Variants in C12orf60 observed in about 807,000 individuals in gnomAD.
C12orf60 encodes uncharacterized protein C12orf60.
For synonymous variants in C12orf60, 102 were observed against 94.6 expected (o/e 1.08, Z -0.45); for missense variants, 284 against 283.2 (o/e 1.00, Z -0.02).
chr12:14,805,809 C>T, intron 1 of C12orf60: 1 of 637,564 alleles, frequency 1.6e-6, no homozygotes, highest in Non-Finnish European at 2.6e-6. Context: ...GGTCTAGCAT[C>T]AGCTGATCCA....
At chr12:14,818,788 A>C (rs1381069270) in intron 1 of C12orf60, among the ~76,000 whole-genome samples, 1 of 152,192 alleles carries the variant, frequency 6.6e-6, no homozygotes. Context: ...TCTCAAAACA[A>C]CAACAACAAA....
chr12:14,823,488 A>G lies in C12orf60; in HGVS notation c.553A>G (p.Ile185Val). The G allele has an allele frequency of 6.2e-7, 1 of 1,613,336 alleles. No individual in the cohort carries two copies. The highest frequency in any genetic ancestry group is 8.5e-7 in the Non-Finnish European group (1 of 1,179,828). The change falls in exon 2 of 2, where the codon ATA becomes GTA. Residue 185 changes from isoleucine to valine, a missense_variant. Ile to Val is a conservative substitution (Grantham distance 29). Coordinates refer to ENST00000330828, the MANE Select transcript of C12orf60 (RefSeq NM_175874.4). ...TCCAGGTTCTTCCAAAACCACTATGATAGACACCTTGAAAAAACTGCAGGA... is the reference window on the plus strand; with the variant it reads ...TCCAGGTTCTTCCAAAACCACTATGGTAGACACCTTGAAAAAACTGCAGGA... The part of the protein sequence containing the change: ...SPPGSSKTTM[I>V]DTLKKLQDVL...
chr12:14,804,768 G>A (rs889785625), intron 1 of C12orf60: 9 of 152,208 alleles, frequency 5.9e-5, no homozygotes, highest in African/African-American at 1.4e-4. Context: ...AGAGAAAACA[G>A]TGTATGTTGG....
At chr12:14,809,325 G>A (rs1039977051) in intron 1 of C12orf60, among the ~76,000 whole-genome samples, 3 of 151,978 alleles carry the variant, frequency 2.0e-5, no homozygotes, top group Non-Finnish European at 4.4e-5. Context: ...CGAATTAATC[G>A]TAAAATGTAT....
rs149647403 is a variant in C12orf60, at chr12:14,823,637, G to T, written c.702G>T (p.Met234Ile). 4.6e-4 allele frequency: 721 copies of T among 1,584,032 alleles called. 6 individuals are homozygous for T. The East Asian group carries it at 0.011, about 24-fold the overall frequency. The change falls in exon 2 of 2, where the codon ATG becomes ATT. Residue 234 changes from methionine to isoleucine, a missense_variant. Coordinates refer to ENST00000330828, the MANE Select transcript of C12orf60 (RefSeq NM_175874.4). Reference sequence around the variant, plus strand: ...AAAAAGCGATAAAGACTATGGAAATGAATATTTCTGTGTTTAAGAAAGCCA... The same window carrying T: ...AAAAAGCGATAAAGACTATGGAAATTAATATTTCTGTGTTTAAGAAAGCCA... ...ILQKAIKTME[M>I]NISVFKKASD...
intron 1 of C12orf60, among the ~76,000 whole-genome samples, chr12:14,819,598 T>TG (rs1350110691): frequency 3.9e-5 from 6 of 152,142 alleles, no homozygotes; most frequent in Non-Finnish European, 7.4e-5. Flanking sequence ...TTCCCAATCC[T>TG]GGGGGGTAGC....
At chr12:14,805,788 T>C (rs558097753) in intron 1 of C12orf60, 69 of 540,814 alleles carry the variant, frequency 1.3e-4, no homozygotes, top group Non-Finnish European at 2.0e-4. Context: ...GAAAATTTTT[T>C]TACCTCACAG....
chr12:14,822,971 G>T lies in C12orf60; in HGVS notation c.36G>T (p.Leu12=). The change falls in exon 2 of 2, where the codon CTG becomes CTT. Residue 12 remains leucine (L), a synonymous_variant. Transcript: ENST00000330828. ...SSESEKDKER[L]IQAAKMFFFH... The stretch of plus-strand genomic sequence containing the variant: ...AGTCAGAAAAGGATAAAGAGAGACT[G>T]ATTCAAGCTGCCAAAATGTTCTTCT... 6.2e-7 allele frequency: 1 copy of T among 1,605,428 alleles called. No individual in the cohort carries two copies.
At position 14,815,466 on chromosome 12, in the gene C12orf60, G is replaced by T. The variant is rs189310836; in HGVS notation, c.-24-7446G>T. Among the ~76,000 whole-genome samples the T allele has an allele frequency of 2.6e-5, 4 of 152,292 alleles. No homozygotes were observed. The East Asian group carries it at 7.7e-4, about 29-fold the overall frequency. ...TCAGGGAACAAAAACCAACCTGCTG[G>T]TGATACAGGGTGTAAGTGGGAGCAG... On this transcript the variant is annotated intron_variant, in intron 1 of 1. Transcript: ENST00000330828.
In C12orf60 at chr12:14,823,874, C is replaced by A; in HGVS notation, c.*201C>A. ...AATTAAGAAAGCCTGTTTGAAATGT[C>A]AGTCACTAAGAAGAATATATTGTTG... On this transcript the variant is annotated 3_prime_UTR_variant, in exon 2 of 2. Transcript: ENST00000330828. The A allele has an allele frequency of 4.8e-6, 2 of 417,202 alleles. No individual in the cohort carries two copies. The highest frequency in any genetic ancestry group is 4.3e-6 in the Non-Finnish European group (1 of 233,934). The allele number at this position is 417,202 out of a possible 1,614,324, so 25.8% of individuals were successfully genotyped here. A position where few individuals can be genotyped will look rare whatever the true frequency, so the allele number is the denominator to read the frequency against.
At chr12:14,806,540 C>G in intron 1 of C12orf60, 3 of 1,614,164 alleles carry the variant, frequency 1.9e-6, no homozygotes, top group Non-Finnish European at 1.7e-6. Flanking sequence ...GCCTGCACCC[C>G]AAGTGCATAT....
In C12orf60 at chr12:14,823,646, T is replaced by C. The variant is rs1950341993; in HGVS notation, c.711T>C (p.Ser237=). 2 of 1,576,008 alleles carry C rather than the reference T, an allele frequency of 1.3e-6. No individual in the cohort carries two copies. Among genetic ancestry groups the C allele is most frequent in the Admixed American group, 3.9e-5 (2 of 51,424 alleles). The change falls in exon 2 of 2, where the codon TCT becomes TCC. Residue 237 remains serine (S), a synonymous_variant. Coordinates refer to ENST00000330828, the MANE Select transcript of C12orf60 (RefSeq NM_175874.4). ...KAIKTMEMNI[S]VFKKASDK ...TAAAGACTATGGAAATGAATATTTC[T>C]GTGTTTAAGAAAGCCAGTGACAAGT...
intron 1 of C12orf60, among the ~76,000 whole-genome samples, chr12:14,810,674 G>A (rs1434061326): frequency 6.6e-6 from 1 of 152,114 alleles, no homozygotes; most frequent in Non-Finnish European, 1.5e-5. Flanking sequence ...TGGCACTGTG[G>A]CCATGTGGAG....
At chr12:14,812,571 C>T (rs1950158398) in intron 1 of C12orf60, among the ~76,000 whole-genome samples, 2 of 151,714 alleles carry the variant, frequency 1.3e-5, no homozygotes, top group Admixed American at 1.3e-4. Flanking sequence ...ATTTTTTTTC[C>T]TCCATTATCT....
intron 1 of C12orf60, among the ~76,000 whole-genome samples, chr12:14,816,127 G>A (rs1950213253): frequency 1.3e-5 from 2 of 152,078 alleles, no homozygotes; most frequent in African/African-American, 4.8e-5. Flanking sequence ...ACCTTAGGAA[G>A]GAGGCACATT....
At chr12:14,820,032 G>A (rs922728607) in intron 1 of C12orf60, among the ~76,000 whole-genome samples, 7 of 152,090 alleles carry the variant, frequency 4.6e-5, no homozygotes, top group East Asian at 1.9e-4. Context: ...AACTACAGGC[G>A]CAATTTCTTT....
chr12:14,809,757 C>T (rs1950107782), intron 1 of C12orf60, among the ~76,000 whole-genome samples: 1 of 151,226 alleles, frequency 6.6e-6, no homozygotes, highest in Admixed American at 6.6e-5. Flanking sequence ...CAAAGATGGC[C>T]AATGTAAAAA....
intron 1 of C12orf60, among the ~76,000 whole-genome samples, chr12:14,814,420 TTTTA>T (rs1950186894): frequency 6.6e-6 from 1 of 152,200 alleles, no homozygotes; most frequent in Non-Finnish European, 1.5e-5. Flanking sequence ...TTAATGGACT[TTTTA>T]TTGTTGAGAA....
At chr12:14,820,572 A>T (rs1950290778) in intron 1 of C12orf60, among the ~76,000 whole-genome samples, 1 of 151,474 alleles carries the variant, frequency 6.6e-6, no homozygotes, top group Non-Finnish European at 1.5e-5. Flanking sequence ...TATTTTTGTG[A>T]CTTCTTTTTT....
Sources: allele counts gnomAD v4.1 joint callset (sites outside exome capture counted in the v4.1 genomes callset), GRCh38; gene constraint gnomAD v4.1.1; transcripts MANE v1.5; gene names NCBI Gene and HGNC (gene_info 2026-07-23, HGNC 2026-07-21).